The following SAMTOR variants were observed in gnomAD, a reference collection of about 807,000 sequenced individuals.
SAMTOR encodes S-adenosylmethionine sensor upstream of mTORC1, also known as UPF0532 protein C7orf60.
the SAMTOR span, among the ~76,000 whole-genome samples, chr7:112,922,810 C>T: frequency 2.4e-4 from 36 of 151,784 alleles, no homozygotes; most frequent in East Asian, 3.7e-3. Context: ...CCAGGCCAGC[C>T]GCCCCGTCCG....
At chr7:112,846,145 C>CTTTTTTTTTT in the SAMTOR span, among the ~76,000 whole-genome samples, 671 of 128,888 alleles carry the variant, frequency 5.2e-3, 13 homozygotes, top group African/African-American at 0.016. Flanking sequence ...ATCTGTACAA[C>CTTTTTTTTTT]TTTTTTTTTT....
the SAMTOR span, among the ~76,000 whole-genome samples, chr7:112,862,324 T>A: frequency 5.9e-5 from 9 of 152,262 alleles, no homozygotes; most frequent in African/African-American, 1.7e-4. Context: ...AACAGAGGAT[T>A]ATTAATTTTC....
chr7:112,923,825 A>C, the SAMTOR span, among the ~76,000 whole-genome samples: 6 of 152,236 alleles, frequency 3.9e-5, no homozygotes, highest in Non-Finnish European at 8.8e-5. Flanking sequence ...TGGATTAAGA[A>C]AATGTGGCAC....
chr7:112,910,614 A>G, the SAMTOR span, among the ~76,000 whole-genome samples: 1 of 152,152 alleles, frequency 6.6e-6, no homozygotes, highest in Non-Finnish European at 1.5e-5. Context: ...CCTTAACCAA[A>G]TGATAACATT....
the SAMTOR span, chr7:112,822,065 G>T: frequency 6.2e-7 from 1 of 1,613,576 alleles, no homozygotes; most frequent in Non-Finnish European, 8.5e-7. Context: ...TAAAGCCCAG[G>T]GACTCTATAG....
chr7:112,828,389 C>A, the SAMTOR span, among the ~76,000 whole-genome samples: 1 of 152,182 alleles, frequency 6.6e-6, no homozygotes, highest in African/African-American at 2.4e-5. Flanking sequence ...CTTTGGTGGT[C>A]TTTGGTTTAT....
the SAMTOR span, among the ~76,000 whole-genome samples, chr7:112,842,556 T>C: frequency 6.6e-6 from 1 of 152,006 alleles, no homozygotes; most frequent in African/African-American, 2.4e-5. Context: ...GTTTGGGAGA[T>C]TGGTTAGAAT....
chr7:112,847,434 A>T, the SAMTOR span, among the ~76,000 whole-genome samples: 1 of 152,340 alleles, frequency 6.6e-6, no homozygotes, highest in East Asian at 1.9e-4. Flanking sequence ...CCAAACATAC[A>T]TAAGATAAAC....
the SAMTOR span, among the ~76,000 whole-genome samples, chr7:112,826,566 C>T: frequency 6.6e-6 from 1 of 152,084 alleles, no homozygotes; most frequent in Non-Finnish European, 1.5e-5. Context: ...TTCATCTACT[C>T]AAAGAACTAG....
At chr7:112,851,435 T>C in the SAMTOR span, among the ~76,000 whole-genome samples, 2 of 151,846 alleles carry the variant, frequency 1.3e-5, no homozygotes, top group Non-Finnish European at 2.9e-5. Flanking sequence ...AACAAAAATA[T>C]ACAATGGGGA....
At chr7:112,906,503 T>TAA in the SAMTOR span, among the ~76,000 whole-genome samples, 1 of 151,220 alleles carries the variant, frequency 6.6e-6, no homozygotes, top group East Asian at 1.9e-4. Context: ...CAGAAAACCT[T>TAA]AAAACACTAC....
chr7:112,858,150 G>A, the SAMTOR span, among the ~76,000 whole-genome samples: 1 of 152,092 alleles, frequency 6.6e-6, no homozygotes, highest in Admixed American at 6.6e-5. Context: ...AACTTGTGTG[G>A]TGTGGAGTCT....
chr7:112,939,351 G>T, the SAMTOR span: 4 of 589,926 alleles, frequency 6.8e-6, no homozygotes. Flanking sequence ...AGGGGGTGGG[G>T]ACTCAATTCC....
chr7:112,858,156 A>G, the SAMTOR span, among the ~76,000 whole-genome samples: 1 of 152,258 alleles, frequency 6.6e-6, no homozygotes, highest in East Asian at 1.9e-4. Context: ...TGTGGTGTGG[A>G]GTCTGAATAC....
chr7:112,851,016 G>A, the SAMTOR span, among the ~76,000 whole-genome samples: 1 of 152,046 alleles, frequency 6.6e-6, no homozygotes, highest in African/African-American at 2.4e-5. Flanking sequence ...TTTAACCAAG[G>A]AGGTGAAAAG....
At chr7:112,935,302 G>A in the SAMTOR span, 4 of 378,408 alleles carry the variant, frequency 1.1e-5, no homozygotes, top group Middle Eastern at 1.5e-3. Context: ...ATTAAAAGGA[G>A]TCTCATTCTA....
chr7:112,901,729 T>C, the SAMTOR span, among the ~76,000 whole-genome samples: 1 of 151,824 alleles, frequency 6.6e-6, no homozygotes, highest in Non-Finnish European at 1.5e-5. Context: ...AGAATGCAAA[T>C]AAATTTAAAA....
the SAMTOR span, among the ~76,000 whole-genome samples, chr7:112,858,604 A>T: frequency 6.6e-6 from 1 of 152,196 alleles, no homozygotes; most frequent in African/African-American, 2.4e-5. Flanking sequence ...ATTTTTGATT[A>T]GATGTTAATC....
chr7:112,870,630 A>C, the SAMTOR span, among the ~76,000 whole-genome samples: 1 of 152,122 alleles, frequency 6.6e-6, no homozygotes, highest in Non-Finnish European at 1.5e-5. Context: ...CAACTACGTA[A>C]TTGAGACTAC....
Sources: gnomAD v4.1 joint callset for allele counts (sites outside exome capture counted in the v4.1 genomes callset) on GRCh38, gnomAD v4.1.1 for gene constraint, MANE v1.5 for transcripts, NCBI Gene and HGNC (gene_info 2026-07-23, HGNC 2026-07-21) for gene names.